The following DACH2 variants were observed in gnomAD, a reference collection of about 807,000 sequenced individuals.
The protein encoded by DACH2 is dachshund family transcription factor 2.
A neutral mutation model predicts 35.8 loss-of-function variants in DACH2; 17 were observed. The observed-to-expected ratio is 0.48, with a 90% CI of 0.33 to 0.71. DACH2 has a LOEUF of 0.71. Among genes scored for constraint, DACH2 ranks in the 30% least tolerant of loss-of-function variants. The pLI is 0.02. For missense variants in DACH2, 469 were observed against 472.7 expected (o/e 0.99, Z 0.07); for synonymous variants, 195 against 177.3 (o/e 1.10, Z -0.79).
At chrX:86,575,201 A>G (rs759519349) in intron 3 of DACH2, among the ~76,000 whole-genome samples, 1 of 111,257 alleles carries the variant, frequency 9.0e-6, no homozygotes, top group African/African-American at 3.3e-5. Context: ...GACTGATGCC[A>G]ACTTTAAACT....
At chrX:86,593,398 T>TTTTATTTTATTTTA (rs2039672393) in intron 3 of DACH2, among the ~76,000 whole-genome samples, 10 of 91,478 alleles carry the variant, frequency 1.1e-4, no homozygotes, top group Non-Finnish European at 1.4e-4. Context: ...TATATATATT[T>TTTTATTTTATTTTA]TTTTATTTTA....
chrX:86,328,428 C>T (rs2035153475), intron 1 of DACH2, among the ~76,000 whole-genome samples: 1 of 111,510 alleles, frequency 9.0e-6, no homozygotes, highest in African/African-American at 3.3e-5. Flanking sequence ...GAAAAGTACT[C>T]AAAATTGATT....
At chrX:86,750,745 C>T (rs185952895) in intron 7 of DACH2, among the ~76,000 whole-genome samples, 187 of 111,927 alleles carry the variant, frequency 1.7e-3, no homozygotes, top group African/African-American at 5.6e-3. Flanking sequence ...CAGGTTCATC[C>T]AATGTTGTCA....
At chrX:86,492,212 C>T (rs1386758540) in intron 2 of DACH2, among the ~76,000 whole-genome samples, 2 of 110,326 alleles carry the variant, frequency 1.8e-5, no homozygotes, top group Non-Finnish European at 3.8e-5. Flanking sequence ...ATGACAAATT[C>T]TTCCACGTCT....
At chrX:86,294,469 A>T (rs1370599083) in intron 1 of DACH2, among the ~76,000 whole-genome samples, 1 of 110,940 alleles carries the variant, frequency 9.0e-6, no homozygotes, top group African/African-American at 3.3e-5. Flanking sequence ...GCTGGTGAGG[A>T]ACTGCATTCC....
At position 86,238,592 on chromosome X, in the gene DACH2, C is replaced by A. The variant is rs1249856780; in HGVS notation, c.488+89484C>A. Among the ~76,000 whole-genome samples, 37 of 111,239 alleles carry A rather than the reference C, an allele frequency of 3.3e-4. No homozygotes were observed. In the Admixed American group the frequency reaches 3.6e-3, roughly 11 times the overall value. On this transcript the variant is annotated intron_variant, in intron 1 of 11. Transcript: ENST00000373125. ...TTATTCAACTGCTTCAACAGTACTGCATTCAAATAATGAAAACTCAACATT... is the reference window on the plus strand; with the variant it reads ...TTATTCAACTGCTTCAACAGTACTGAATTCAAATAATGAAAACTCAACATT...
chrX:86,711,174 G>A (rs1455219936), intron 5 of DACH2, among the ~76,000 whole-genome samples: 2 of 111,283 alleles, frequency 1.8e-5, no homozygotes, highest in Admixed American at 9.5e-5. Context: ...TCAGGAGTTC[G>A]AGACCAGCTT....
intron 7 of DACH2, among the ~76,000 whole-genome samples, chrX:86,774,093 T>TA (rs780351959): frequency 9.9e-4 from 110 of 111,427 alleles, no homozygotes; most frequent in African/African-American, 3.1e-3. Context: ...ATCAAAAATT[T>TA]AAAAAAAACT....
At chrX:86,665,538 TAA>T (rs2040657576) in intron 4 of DACH2, among the ~76,000 whole-genome samples, 1 of 112,165 alleles carries the variant, frequency 8.9e-6, no homozygotes, top group Admixed American at 9.5e-5. Context: ...TCTGCATTTA[TAA>T]GTGTTTAATT....
intron 1 of DACH2, among the ~76,000 whole-genome samples, chrX:86,174,482 GT>G (rs1471422679): frequency 9.0e-6 from 1 of 110,713 alleles, no homozygotes; most frequent in African/African-American, 3.3e-5. Flanking sequence ...AGATACTATG[GT>G]TGATGATCTT....
rs747059785 is a variant in DACH2, at chrX:86,825,311, G to T, written c.1751-6795G>T. 9.9e-5 allele frequency among the ~76,000 whole-genome samples: 11 copies of T among 110,886 alleles called. No homozygotes were observed. In the East Asian group the frequency reaches 2.8e-3, roughly 29 times the overall value. On this transcript the variant is annotated intron_variant, in intron 11 of 11. Coordinates refer to ENST00000373125, the MANE Select transcript of DACH2 (RefSeq NM_053281.3). ...ACACGCCTGTAGTCCCAGCTACCTG[G>T]GAGGCTGAGGCAGGAGAATTGTTTG...
chrX:86,698,903 G>A (rs2041106634), intron 5 of DACH2, among the ~76,000 whole-genome samples: 1 of 111,027 alleles, frequency 9.0e-6, no homozygotes, highest in South Asian at 3.8e-4. Context: ...ATAAGCAGGA[G>A]TAGCAATTCT....
At chrX:86,656,532 TCTTTA>T (rs1396616201) in intron 4 of DACH2, among the ~76,000 whole-genome samples, 1 of 110,130 alleles carries the variant, frequency 9.1e-6, no homozygotes, top group Non-Finnish European at 1.9e-5. Flanking sequence ...TAATCTAATT[TCTTTA>T]CTTTATATTG....
At chrX:86,269,822 C>T (rs1426929422) in intron 1 of DACH2, among the ~76,000 whole-genome samples, 6 of 109,373 alleles carry the variant, frequency 5.5e-5, no homozygotes. Flanking sequence ...TTAAAAAGTA[C>T]TCTGAGGCTT....
At position 86,673,030 on chromosome X, in the gene DACH2, A is replaced by G. The variant is rs1026159795; in HGVS notation, c.772+21863A>G. On this transcript the variant is annotated intron_variant, in intron 4 of 11. Transcript: ENST00000373125. ...CATAAGTGTGGTCTGGATGTGAGAC[A>G]CGGAGTCAAAGAAGAATATTTTAGG... Among the ~76,000 whole-genome samples, 6 of 112,100 alleles carry G rather than the reference A, an allele frequency of 5.4e-5. 1 individual carries two copies. Among genetic ancestry groups the G allele is most frequent in the African/African-American group, 1.9e-4 (6 of 30,822 alleles).
intron 2 of DACH2, among the ~76,000 whole-genome samples, chrX:86,457,675 A>G (rs1304912453): frequency 8.9e-6 from 1 of 112,479 alleles, no homozygotes; most frequent in African/African-American, 3.2e-5. Context: ...TTTATGAAAT[A>G]AGTACTATGA....
At chrX:86,274,590 G>A (rs1021466127) in intron 1 of DACH2, among the ~76,000 whole-genome samples, 1 of 102,404 alleles carries the variant, frequency 9.8e-6, no homozygotes, top group Non-Finnish European at 2.0e-5. Flanking sequence ...CGCCTCCCGG[G>A]TTCACGCCAT....
At chrX:86,610,438 CTTTCT>C (rs1207707415) in intron 3 of DACH2, among the ~76,000 whole-genome samples, 1 of 78,624 alleles carries the variant, frequency 1.3e-5, no homozygotes, top group African/African-American at 5.7e-5. Context: ...TTCTTTCTTT[CTTTCT>C]TTCTTTTTCT....
At chrX:86,297,652 C>T (rs1197204161) in intron 1 of DACH2, among the ~76,000 whole-genome samples, 11 of 112,010 alleles carry the variant, frequency 9.8e-5, no homozygotes, top group South Asian at 7.4e-4. Context: ...TTACTGATAA[C>T]GCTCAATGGT....
Sources: gnomAD v4.1 joint callset for allele counts (sites outside exome capture counted in the v4.1 genomes callset) on GRCh38, gnomAD v4.1.1 for gene constraint, MANE v1.5 for transcripts, NCBI Gene and HGNC (gene_info 2026-07-23, HGNC 2026-07-21) for gene names.